PDK3: variants seen among roughly 807,000 people sequenced by gnomAD.
PDK3 encodes pyruvate dehydrogenase kinase 3.
PDK3 carries 12 observed loss-of-function variants against 32.0 expected under a neutral mutation model. The observed-to-expected ratio is 0.37, with a 90% CI of 0.24 to 0.61. PDK3 has a LOEUF of 0.61. PDK3 is among the 20% of genes least tolerant of loss of function. PDK3 has a pLI of 0.65. For missense variants in PDK3, 188 were observed against 316.9 expected, an observed-to-expected ratio of 0.59 and a Z score of 3.09; for synonymous variants, 122 against 116.3, an observed-to-expected ratio of 1.05 and a Z score of -0.31.
intron 5 of PDK3, among the ~76,000 whole-genome samples, chrX:24,506,257 A>T (rs146068618): frequency 8.9e-6 from 1 of 111,814 alleles, no homozygotes; most frequent in African/African-American, 3.3e-5. Context: ...TGTAAGGTGA[A>T]TCAGCCCAGC....
At chrX:24,502,029 T>A (rs1921870776) in intron 3 of PDK3, among the ~76,000 whole-genome samples, 1 of 112,115 alleles carries the variant, frequency 8.9e-6, no homozygotes, top group Non-Finnish European at 1.9e-5. Context: ...TTCCTTTTTT[T>A]AAGTTTTTTG....
rs769328136 is a variant in PDK3, at chrX:24,514,152, T to C, written c.596-4781T>C. Among the ~76,000 whole-genome samples, 13 of 112,380 alleles carry C rather than the reference T, an allele frequency of 1.2e-4. No individual in the cohort carries two copies. The South Asian group carries it at 4.8e-3, about 41-fold the overall frequency. On this transcript the variant is annotated intron_variant, in intron 5 of 10. Coordinates refer to ENST00000379162, the MANE Select transcript of PDK3 (RefSeq NM_005391.5). Reference sequence around the variant, plus strand: ...GAAAATCTGATGAAACAACCTCCATTATCTGTTCAATTTTCCTGTGTGCTA... The same window carrying C: ...GAAAATCTGATGAAACAACCTCCATCATCTGTTCAATTTTCCTGTGTGCTA...
rs755100044 is a variant in PDK3 at position 24,485,425 on chromosome X, C to G, written c.107-9317C>G. ...TTCCTATATTGGACAGTTCTCAGGT[C>G]TAGAACACTCTCAGAAGGCACTGTA... On this transcript the variant is annotated intron_variant, in intron 1 of 10. Coordinates refer to ENST00000379162, the MANE Select transcript of PDK3 (RefSeq NM_005391.5). Among the ~76,000 whole-genome samples the G allele has an allele frequency of 1.1e-4, 12 of 111,585 alleles. No homozygotes were observed. The East Asian group carries it at 2.8e-3, about 26-fold the overall frequency.
At chrX:24,484,064 T>G (rs1041693424) in intron 1 of PDK3, among the ~76,000 whole-genome samples, 2 of 108,044 alleles carry the variant, frequency 1.9e-5, no homozygotes, top group African/African-American at 3.4e-5. Flanking sequence ...CAGGCTGGAG[T>G]GCAGTGGCAC....
At chrX:24,533,291 C>G (rs1323779573) in intron 10 of PDK3, among the ~76,000 whole-genome samples, 1 of 108,417 alleles carries the variant, frequency 9.2e-6, no homozygotes, top group Non-Finnish European at 1.9e-5. Context: ...TGTGAGCCAC[C>G]ACACCCGGCT....
At chrX:24,504,610 A>G (rs751100262) in intron 4 of PDK3, among the ~76,000 whole-genome samples, 1 of 112,376 alleles carries the variant, frequency 8.9e-6, no homozygotes, top group Non-Finnish European at 1.9e-5. Context: ...TTGGATGCAG[A>G]TTGCTTTTTT....
rs180827570 is a variant in PDK3 at position 24,518,879 on chromosome X, A to G, written c.596-54A>G. On this transcript the variant is annotated intron_variant, in intron 5 of 10. Transcript: ENST00000379162. ...CACACACACACACACACACACACAC[A>G]CGCTTGTGCCTATGTTATTAGTACA... The G allele has an allele frequency of 7.3e-3, 4,510 of 615,016 alleles. 86 individuals are homozygous for G. Among genetic ancestry groups the G allele is most frequent in the Admixed American group, 0.061 (1,984 of 32,433 alleles). 50.7% of individuals were successfully genotyped at this position (615,016 alleles called of 1,213,427 possible).
chrX:24,499,612 T>C (rs1325687042), intron 3 of PDK3, among the ~76,000 whole-genome samples: 1 of 112,034 alleles, frequency 8.9e-6, no homozygotes. Flanking sequence ...CCTGACTTAA[T>C]AGATGTTCCA....
In PDK3 at chrX:24,519,020, A is replaced by G. The variant is rs750141483; in HGVS notation, c.673+10A>G. The G allele has an allele frequency of 4.1e-5, 45 of 1,103,217 alleles. No individual in the cohort carries two copies. Among genetic ancestry groups the G allele is most frequent in the Non-Finnish European group, 4.8e-5 (39 of 806,100 alleles). The allele number at this position is 1,103,217 out of a possible 1,213,427, so 90.9% of individuals were successfully genotyped here. ...GTTGAAGAATTCAATGGTAAAAGAA[A>G]ACTAATTTTAACCTTACATTCAAAA... is the stretch of plus-strand genomic sequence containing the variant. On this transcript the variant is annotated intron_variant, in intron 6 of 10. Coordinates refer to ENST00000379162, the MANE Select transcript of PDK3 (RefSeq NM_005391.5).
intron 5 of PDK3, 112 bp downstream of exon 5, chrX:24,505,410 C>A: frequency 2.1e-6 from 1 of 469,331 alleles, no homozygotes; most frequent in South Asian, 4.0e-5. Flanking sequence ...TTCATCAGGT[C>A]ACTCTGGGCC....
intron 1 of PDK3, among the ~76,000 whole-genome samples, chrX:24,481,585 G>T (rs1602103732): frequency 9.0e-6 from 1 of 111,555 alleles, no homozygotes; most frequent in African/African-American, 3.3e-5. Context: ...GGGGCCTGGT[G>T]GGAGGTGATT....
chrX:24,532,854 A>G (rs1279266248), intron 10 of PDK3, among the ~76,000 whole-genome samples: 1 of 111,208 alleles, frequency 9.0e-6, no homozygotes. Context: ...TCATTCTTTT[A>G]AACAGTGGCA....
In PDK3 at chrX:24,501,698, C is replaced by A. The variant is rs777403719; in HGVS notation, c.321-1629C>A. Among the ~76,000 whole-genome samples, 17 of 112,534 alleles carry A rather than the reference C, an allele frequency of 1.5e-4. No individual in the cohort carries two copies. The South Asian group carries it at 5.8e-3, about 39-fold the overall frequency. On this transcript the variant is annotated intron_variant, in intron 3 of 10. Transcript: ENST00000379162. ...CTGCACTCTAGCCTGGGCAACAGAGCAAGACTCTGTCTCATAAATAAATAA... is the reference window on the plus strand; with the variant it reads ...CTGCACTCTAGCCTGGGCAACAGAGAAAGACTCTGTCTCATAAATAAATAA...
At chrX:24,469,294 G>A (rs1920970152) in intron 1 of PDK3, among the ~76,000 whole-genome samples, 1 of 111,255 alleles carries the variant, frequency 9.0e-6, no homozygotes, top group Admixed American at 9.7e-5. Flanking sequence ...TGTAATTTTG[G>A]CGAACATTGT....
rs146842464 is a variant in PDK3 at position 24,499,525 on chromosome X, G to A, written c.320+625G>A. Among the ~76,000 whole-genome samples, 203 of 111,974 alleles carry A rather than the reference G, an allele frequency of 1.8e-3. 4 individuals are homozygous for A. In the East Asian group the frequency reaches 0.048, roughly 27 times the overall value. On this transcript the variant is annotated intron_variant, in intron 3 of 10. Coordinates refer to ENST00000379162, the MANE Select transcript of PDK3 (RefSeq NM_005391.5). ...TTCTTCCTGTTTCATGTATATGTAA[G>A]TGGATGCATATGGTAGGCCTGTTGT... is the stretch of plus-strand genomic sequence containing the variant.
chrX:24,479,984 G>T (rs1448998693), intron 1 of PDK3, among the ~76,000 whole-genome samples: 1 of 111,238 alleles, frequency 9.0e-6, no homozygotes, highest in Non-Finnish European at 1.9e-5. Flanking sequence ...AGGTAGTAGA[G>T]CCACATGTCT....
In PDK3 at chrX:24,528,108, A is replaced by G; in HGVS notation, c.885A>G (p.Arg295=). 1 of 1,200,085 alleles carries G rather than the reference A, an allele frequency of 8.3e-7. No homozygotes were observed. The highest frequency in any genetic ancestry group is 1.1e-6 in the Non-Finnish European group (1 of 884,810). The change falls in exon 9 of 11, where the codon CGA becomes CGG. Residue 295 remains arginine (R), a synonymous_variant. Transcript: ENST00000379162. ...ACCTAGGTGGTGGTGTCCCACTTCG[A>G]AAAATAGATCGTCTTTTTAACTACA... is the stretch of plus-strand genomic sequence containing the variant. ...ISDLGGGVPL[R]KIDRLFNYMY...
At chrX:24,514,829 A>G (rs1922211858) in intron 5 of PDK3, among the ~76,000 whole-genome samples, 1 of 111,423 alleles carries the variant, frequency 9.0e-6, no homozygotes, top group Non-Finnish European at 1.9e-5. Flanking sequence ...CTAAGTTTTA[A>G]GAATGTGGAC....
chrX:24,517,246 G>A (rs1190779171), intron 5 of PDK3, among the ~76,000 whole-genome samples: 3 of 110,886 alleles, frequency 2.7e-5, no homozygotes, highest in Non-Finnish European at 5.7e-5. Flanking sequence ...TTTTTGAGAT[G>A]GAGTCTCACT....
Sources: gnomAD v4.1 joint callset for allele counts (sites outside exome capture counted in the v4.1 genomes callset) on GRCh38, gnomAD v4.1.1 for gene constraint, MANE v1.5 for transcripts, NCBI Gene and HGNC (gene_info 2026-07-23, HGNC 2026-07-21) for gene names.